VIT: variants seen among roughly 807,000 people sequenced by gnomAD.
VIT encodes vitrin.
Under a neutral mutation model 78.0 loss-of-function variants are expected in VIT, and 99 were observed. That is an observed-to-expected ratio of 1.27 (90% CI 1.08 to 1.50). The LOEUF is 1.50. Among genes scored for constraint, VIT ranks in the 40% most tolerant of loss-of-function variants. The pLI is 0.00. For missense variants in VIT, 1,126 were observed against 875.3 expected, an observed-to-expected ratio of 1.29 and a Z score of -3.61; for synonymous variants, 374 against 334.3, an observed-to-expected ratio of 1.12 and a Z score of -1.29.
chr2:36,716,477 A>G, intron 2 of VIT, 55 bp downstream of exon 2: 1 of 1,563,582 alleles, frequency 6.4e-7, no homozygotes, highest in Non-Finnish European at 8.8e-7. Flanking sequence ...CCTAAGATCC[A>G]AAGAATCTAG....
intron 3 of VIT, among the ~76,000 whole-genome samples, chr2:36,730,670 G>T (rs894153433): frequency 6.6e-6 from 1 of 152,228 alleles, no homozygotes; most frequent in Non-Finnish European, 1.5e-5. Context: ...CTCATGTTCA[G>T]CAGTTCCTGA....
intron 14 of VIT, among the ~76,000 whole-genome samples, chr2:36,807,698 C>A (rs923733412): frequency 2.6e-5 from 4 of 152,292 alleles, no homozygotes; most frequent in African/African-American, 9.6e-5. Flanking sequence ...CTTCCGGGAG[C>A]GCAACAATCA....
chr2:36,812,295 A>G (rs1558599698), intron 15 of VIT, among the ~76,000 whole-genome samples: 1 of 152,156 alleles, frequency 6.6e-6, no homozygotes, highest in Non-Finnish European at 1.5e-5. Context: ...GGAAATAGTG[A>G]CAACACTGTG....
chr2:36,730,683 T>A (rs1317202063), intron 3 of VIT, among the ~76,000 whole-genome samples: 1 of 152,208 alleles, frequency 6.6e-6, no homozygotes, highest in Non-Finnish European at 1.5e-5. Context: ...GTTCCTGAGC[T>A]CTTGTACCAT....
At chr2:36,777,229 C>T (rs1277769257) in intron 9 of VIT, among the ~76,000 whole-genome samples, 2 of 151,264 alleles carry the variant, frequency 1.3e-5, no homozygotes, top group South Asian at 2.1e-4. Context: ...AGATATAACT[C>T]GTACAAACTA....
intron 9 of VIT, among the ~76,000 whole-genome samples, chr2:36,776,288 TG>T (rs1670040316): frequency 6.6e-6 from 1 of 152,218 alleles, no homozygotes; most frequent in African/African-American, 2.4e-5. Flanking sequence ...GACTACATGT[TG>T]TTGTGAGGAC....
intron 7 of VIT, among the ~76,000 whole-genome samples, chr2:36,770,429 C>A (rs1669678185): frequency 6.6e-6 from 1 of 152,152 alleles, no homozygotes; most frequent in African/African-American, 2.4e-5. Context: ...TTCTTCCAGC[C>A]CATGCAGAGG....
At chr2:36,736,642 A>G (rs1323735792) in intron 3 of VIT, among the ~76,000 whole-genome samples, 1 of 152,198 alleles carries the variant, frequency 6.6e-6, no homozygotes, top group Non-Finnish European at 1.5e-5. Context: ...CCATCCTGCA[A>G]AGTCTGTGTC....
In VIT at chr2:36,808,948, C is replaced by T. The variant is rs766595916; in HGVS notation, c.1866C>T (p.Asp622=). Reference sequence around the variant, plus strand: ...TCATCACCGACGGGAGGTCCTACGACGACGTCCGGATCCCAGCCATGGCTG... The same window carrying T: ...TCATCACCGACGGGAGGTCCTACGATGACGTCCGGATCCCAGCCATGGCTG... ...MILITDGRSY[D]DVRIPAMAAH... is the part of the protein sequence containing the mutation. The change falls in exon 15 of 16, where the codon GAC becomes GAT. Residue 622 remains aspartate, a synonymous_variant. Transcript: ENST00000379242. 27 of 1,605,460 alleles carry T rather than the reference C, an allele frequency of 1.7e-5. No individual in the cohort carries two copies. Among genetic ancestry groups the T allele is most frequent in the Non-Finnish European group, 2.0e-5 (23 of 1,174,466 alleles).
At chr2:36,701,112 A>AT (rs899810611) in intron 1 of VIT, among the ~76,000 whole-genome samples, 3 of 151,754 alleles carry the variant, frequency 2.0e-5, no homozygotes, top group African/African-American at 7.3e-5. Flanking sequence ...CTTTAAAAAA[A>AT]AAAATGTACC....
Position 36,808,522 on chromosome 2 carries a change from T to G in VIT, c.1440T>G (p.Phe480Leu). Residue 480 changes from phenylalanine (F) to leucine (L), a missense_variant, in exon 15 of 16, where the codon TTT becomes TTG. By Grantham distance (22) the Phe-to-Leu change is conservative. Transcript: ENST00000379242. ...GFYSLHVQSW[F>L]GLHKTLQPLV... ...ACTCGCTCCACGTGCAGAGCTGGTT[T>G]GGCCTCCACAAGACCCTGCAGCCTC... 7 of 1,613,742 alleles carry G rather than the reference T, an allele frequency of 4.3e-6. No homozygotes were observed. The highest frequency in any genetic ancestry group is 5.1e-6 in the Non-Finnish European group (6 of 1,179,822).
chr2:36,753,535 G>C lies in VIT; in HGVS notation c.276-1386G>C, dbSNP rs184127000. Among the ~76,000 whole-genome samples the C allele has an allele frequency of 3.1e-3, 473 of 152,308 alleles. 2 individuals carry two copies. Among genetic ancestry groups the C allele is most frequent in the Non-Finnish European group, 5.5e-3 (374 of 68,030 alleles). On this transcript the variant is annotated intron_variant, in intron 4 of 15. Coordinates refer to ENST00000379242, the MANE Select transcript of VIT (RefSeq NM_053276.4). ...AGTAGTACAAGACGGAACAAAATCAGAGTTTAAGTTGTGAGAACAAGATTC... is the reference window on the plus strand; with the variant it reads ...AGTAGTACAAGACGGAACAAAATCACAGTTTAAGTTGTGAGAACAAGATTC...
chr2:36,702,015 A>C (rs904086189), intron 1 of VIT, among the ~76,000 whole-genome samples: 1 of 152,166 alleles, frequency 6.6e-6, no homozygotes, highest in Non-Finnish European at 1.5e-5. Flanking sequence ...GGTGGTGATA[A>C]TGGGCTGTGA....
chr2:36,727,433 G>T (rs1251876516), intron 2 of VIT, among the ~76,000 whole-genome samples: 1 of 152,332 alleles, frequency 6.6e-6, no homozygotes, highest in South Asian at 2.1e-4. Flanking sequence ...CAGAGTACAG[G>T]AAGGGCCAGG....
At position 36,808,955 on chromosome 2, in the gene VIT, C is replaced by T. The variant is rs756105270; in HGVS notation, c.1873C>T (p.Arg625Trp). 6 of 1,598,908 alleles carry T rather than the reference C, an allele frequency of 3.8e-6. No homozygotes were observed. The highest frequency in any genetic ancestry group is 2.2e-5 in the East Asian group (1 of 44,646). Residue 625 changes from arginine to tryptophan, a missense_variant, in exon 15 of 16, where the codon CGG becomes TGG. Transcript: ENST00000379242. ...ITDGRSYDDV[R>W]IPAMAAHLKG... The stretch of plus-strand genomic sequence containing the variant: ...CGACGGGAGGTCCTACGACGACGTC[C>T]GGATCCCAGCCATGGCTGCCCATCT...
chr2:36,711,497 C>A (rs1665794611), intron 1 of VIT, among the ~76,000 whole-genome samples: 1 of 152,254 alleles, frequency 6.6e-6, no homozygotes, highest in African/African-American at 2.4e-5. Flanking sequence ...GGGTATGTGA[C>A]CTTGAATAAG....
chr2:36,751,802 G>T (rs916698904), intron 4 of VIT, among the ~76,000 whole-genome samples: 2 of 152,154 alleles, frequency 1.3e-5, no homozygotes, highest in Non-Finnish European at 2.9e-5. Flanking sequence ...ACTAGTGACT[G>T]ATATAGTGGA....
Position 36,781,722 on chromosome 2 carries a change from A to T in VIT, c.803-5A>T, listed in dbSNP as rs928268322. 6.2e-7 allele frequency: 1 copy of T among 1,614,162 alleles called. No individual in the cohort carries two copies. Among genetic ancestry groups the T allele is most frequent in the Admixed American group, 1.7e-5 (1 of 60,016 alleles). ...AGTTTGTTTCTTTTCAATTTTGAAAATCAGGAGAGATGGACTCATGGAAAC... is the reference window on the plus strand; with the variant it reads ...AGTTTGTTTCTTTTCAATTTTGAAATTCAGGAGAGATGGACTCATGGAAAC... On this transcript the variant is annotated splice_region_variant and splice_polypyrimidine_tract_variant and intron_variant, in intron 9 of 15. Coordinates refer to ENST00000379242, the MANE Select transcript of VIT (RefSeq NM_053276.4).
chr2:36,726,089 A>G, intron 2 of VIT, among the ~76,000 whole-genome samples: 1 of 151,828 alleles, frequency 6.6e-6, no homozygotes, highest in African/African-American at 2.4e-5. Flanking sequence ...AAAAAATGCT[A>G]TCAGAAATTT....
Sources: allele counts gnomAD v4.1 joint callset (sites outside exome capture counted in the v4.1 genomes callset), GRCh38; gene constraint gnomAD v4.1.1; transcripts MANE v1.5; gene names NCBI Gene and HGNC (gene_info 2026-07-23, HGNC 2026-07-21).